NYAP2: variants seen among roughly 807,000 people sequenced by gnomAD.
The protein encoded by NYAP2 is neuronal tyrosine-phosphorylated phosphoinositide-3-kinase adapter 2.
A neutral mutation model predicts 50.4 loss-of-function variants in NYAP2; 23 were observed. That is an observed-to-expected ratio of 0.46 (90% CI 0.33 to 0.65). The LOEUF (loss-of-function observed/expected upper bound fraction) is 0.65. Ranked by LOEUF, NYAP2 falls within the 30% of genes least tolerant of loss-of-function variation. The probability of loss-of-function intolerance (pLI) is 0.02; values close to 1 mark genes in which losing one functional copy is unlikely to be tolerated. For synonymous variants in NYAP2, 394 were observed against 365.2 expected (o/e 1.08, Z -0.90); for missense variants, 885 against 861.0 (o/e 1.03, Z -0.35).
chr2:225,439,613 GT>G (rs1425862474), intron 3 of NYAP2, among the ~76,000 whole-genome samples: 1 of 152,068 alleles, frequency 6.6e-6, no homozygotes, highest in South Asian at 2.1e-4. Flanking sequence ...CATTGAAGAT[GT>G]CCAGAATGAT....
chr2:225,538,380 G>T (rs1211911763), intron 4 of NYAP2, among the ~76,000 whole-genome samples: 1 of 152,164 alleles, frequency 6.6e-6, no homozygotes, highest in Non-Finnish European at 1.5e-5. Context: ...ACTAGGTGGG[G>T]GTTCCCAAAC....
Position 225,586,478 on chromosome 2 carries a change from T to A in NYAP2, c.1618+3443T>A, listed in dbSNP as rs1032129153. ...TTAGTTGGTCATTATTAATATTTTT[T>A]AAAAATTTTGTGCAGAGAGGTGAAT... On this transcript the variant is annotated intron_variant, in intron 5 of 6. Coordinates refer to ENST00000636099, the Ensembl canonical transcript of NYAP2. Among the ~76,000 whole-genome samples the A allele has an allele frequency of 2.6e-5, 4 of 152,192 alleles. No homozygotes were observed. The East Asian group carries it at 5.8e-4, about 22-fold the overall frequency.
the NYAP2 span, among the ~76,000 whole-genome samples, chr2:225,691,596 T>C: frequency 7.2e-3 from 1,092 of 152,186 alleles, 14 homozygotes; most frequent in African/African-American, 0.025. Flanking sequence ...TCAACCTCTT[T>C]GCCCACTACA....
At chr2:225,474,652 A>G (rs1231998062) in intron 3 of NYAP2, among the ~76,000 whole-genome samples, 1 of 152,154 alleles carries the variant, frequency 6.6e-6, no homozygotes, top group African/African-American at 2.4e-5. Context: ...ATTTTTGCAC[A>G]TTGATTTTGT....
intron 3 of NYAP2, among the ~76,000 whole-genome samples, chr2:225,438,252 A>G (rs969391744): frequency 1.3e-5 from 2 of 152,220 alleles, no homozygotes; most frequent in Non-Finnish European, 2.9e-5. Context: ...GATGAGTTTC[A>G]TCTGAAAAAC....
chr2:225,634,389 C>T (rs534029774), intron 6 of NYAP2, among the ~76,000 whole-genome samples: 1 of 152,196 alleles, frequency 6.6e-6, no homozygotes, highest in Admixed American at 6.5e-5. Context: ...ACTAGGAGGA[C>T]CATATTATAT....
At chr2:225,699,665 A>G in the NYAP2 span, 1 of 151,864 alleles carries the variant, frequency 6.6e-6, no homozygotes, top group Non-Finnish European at 1.5e-5. Context: ...AATCTTCTGT[A>G]TGTGATCATC....
At chr2:225,412,216 C>A (rs1457908803) in intron 3 of NYAP2, among the ~76,000 whole-genome samples, 5 of 129,944 alleles carry the variant, frequency 3.8e-5, no homozygotes, top group Admixed American at 3.7e-4. Context: ...CTCAGCCTCC[C>A]AAAGTGCTGG....
intron 6 of NYAP2, among the ~76,000 whole-genome samples, chr2:225,635,077 C>A (rs1693387993): frequency 6.6e-6 from 1 of 152,204 alleles, no homozygotes; most frequent in Non-Finnish European, 1.5e-5. Flanking sequence ...TGCTGATAAA[C>A]TTCCTGACAG....
At chr2:225,467,575 A>G (rs909615078) in intron 3 of NYAP2, among the ~76,000 whole-genome samples, 1 of 152,144 alleles carries the variant, frequency 6.6e-6, no homozygotes, top group African/African-American at 2.4e-5. Flanking sequence ...TTCCATTTTT[A>G]AAAAATACCT....
At chr2:225,448,658 C>T (rs1346224714) in intron 3 of NYAP2, among the ~76,000 whole-genome samples, 2 of 152,110 alleles carry the variant, frequency 1.3e-5, no homozygotes, top group Non-Finnish European at 2.9e-5. Context: ...GTAGGGCTGG[C>T]CCTCTCTTCC....
chr2:225,574,293 G>C (rs1692129821), intron 4 of NYAP2, among the ~76,000 whole-genome samples: 1 of 152,154 alleles, frequency 6.6e-6, no homozygotes, highest in Non-Finnish European at 1.5e-5. Flanking sequence ...TTCAAACAGT[G>C]GGGGCTAGAG....
At chr2:225,426,090 A>T (rs890520044) in intron 3 of NYAP2, among the ~76,000 whole-genome samples, 1 of 151,950 alleles carries the variant, frequency 6.6e-6, no homozygotes. Flanking sequence ...AAATTATAAC[A>T]TCCCCTAGAA....
chr2:225,426,921 T>C (rs546760246), intron 3 of NYAP2, among the ~76,000 whole-genome samples: 1 of 152,322 alleles, frequency 6.6e-6, no homozygotes, highest in South Asian at 2.1e-4. Flanking sequence ...GATTAAAATG[T>C]AATGTCATCC....
the NYAP2 span, among the ~76,000 whole-genome samples, chr2:225,665,488 A>G: frequency 6.6e-6 from 1 of 151,868 alleles, no homozygotes; most frequent in Non-Finnish European, 1.5e-5. Context: ...GAGCGTTTTA[A>G]CACAACTGGT....
chr2:225,672,791 G>C, the NYAP2 span, among the ~76,000 whole-genome samples: 1 of 115,262 alleles, frequency 8.7e-6, no homozygotes, highest in East Asian at 2.8e-4. Flanking sequence ...TCAGGGAAGA[G>C]GGAGGCCTGA....
At chr2:225,492,424 T>G (rs1385658751) in intron 3 of NYAP2, among the ~76,000 whole-genome samples, 1 of 152,164 alleles carries the variant, frequency 6.6e-6, no homozygotes, top group African/African-American at 2.4e-5. Flanking sequence ...TTAGTTAAAC[T>G]CCTTGCAACT....
At chr2:225,526,471 A>G (rs1691154155) in intron 4 of NYAP2, among the ~76,000 whole-genome samples, 1 of 152,188 alleles carries the variant, frequency 6.6e-6, no homozygotes, top group South Asian at 2.1e-4. Context: ...GAGATGATAG[A>G]GGTTCAGCAA....
At chr2:225,410,009 G>A (rs1695008004) in intron 3 of NYAP2, among the ~76,000 whole-genome samples, 1 of 151,908 alleles carries the variant, frequency 6.6e-6, no homozygotes, top group African/African-American at 2.4e-5. Flanking sequence ...ATCTAATCTG[G>A]CATTAATACT....
Sources: gnomAD v4.1 joint callset for allele counts (sites outside exome capture counted in the v4.1 genomes callset) on GRCh38, gnomAD v4.1.1 for gene constraint, MANE v1.5 for transcripts, NCBI Gene and HGNC (gene_info 2026-07-23, HGNC 2026-07-21) for gene names.